The following MTRR variants were observed in gnomAD, a reference collection of about 807,000 sequenced individuals.
The protein encoded by MTRR is 5-methyltetrahydrofolate-homocysteine methyltransferase reductase.
A neutral mutation model predicts 79.2 loss-of-function variants in MTRR; 63 were observed. The ratio of observed to expected loss-of-function variants is 0.80; its 90% CI spans 0.65 to 0.98. The LOEUF (loss-of-function observed/expected upper bound fraction) is 0.98. Ranked by LOEUF, MTRR falls within the 50% of genes least tolerant of loss-of-function variation. The pLI is 0.00. For missense variants in MTRR, 895 were observed against 839.6 expected (o/e 1.07, Z -0.82); for synonymous variants, 355 against 313.3 (o/e 1.13, Z -1.41).
At chr5:7,879,418 G>A (rs180684098) in intron 5 of MTRR, among the ~76,000 whole-genome samples, 5 of 137,732 alleles carry the variant, frequency 3.6e-5, no homozygotes, top group Admixed American at 1.6e-4. Flanking sequence ...AGCCAAGATT[G>A]CGCCACTGCA....
At chr5:7,890,765 G>A (rs558333868) in intron 9 of MTRR, among the ~76,000 whole-genome samples, 7 of 152,078 alleles carry the variant, frequency 4.6e-5, no homozygotes, top group Non-Finnish European at 7.4e-5. Context: ...TTTATTAGTG[G>A]ATAGTTCAAT....
At chr5:7,866,429 CA>C (rs1486804027), upstream of MTRR, among the ~76,000 whole-genome samples, 1 of 152,098 alleles carries the variant, frequency 6.6e-6, no homozygotes, top group East Asian at 1.9e-4. Flanking sequence ...TCAGATAAGG[CA>C]AAAGTCAGTT....
intron 1 of MTRR, chr5:7,859,275 C>T (rs1746364843): frequency 2.5e-6 from 1 of 406,870 alleles, no homozygotes; most frequent in Non-Finnish European, 4.4e-6. Flanking sequence ...AATTTTACCA[C>T]AATAAATGTA....
upstream of MTRR, chr5:7,867,822 C>A: frequency 1.2e-6 from 2 of 1,614,146 alleles, no homozygotes; most frequent in South Asian, 1.1e-5. Flanking sequence ...TCAAGCCTGT[C>A]GCAGTCAGAT....
intron 2 of MTRR, 82 bp downstream of exon 2, chr5:7,871,005 C>T (rs1203865791): frequency 3.4e-6 from 5 of 1,450,350 alleles, no homozygotes; most frequent in East Asian, 4.5e-5. Context: ...AACAAAAGGA[C>T]ACTAATACCA....
At chr5:7,892,986 C>G in intron 11 of MTRR, 73 bp downstream of exon 11, 1 of 1,481,250 alleles carries the variant, frequency 6.8e-7, no homozygotes, top group Non-Finnish European at 9.3e-7. Flanking sequence ...ACAGTGTTGT[C>G]TCACCCACAT....
intron 8 of MTRR, among the ~76,000 whole-genome samples, chr5:7,888,326 G>A (rs1287223301): frequency 1.3e-5 from 2 of 152,128 alleles, no homozygotes; most frequent in Non-Finnish European, 2.9e-5. Context: ...TAGTTCTAAA[G>A]TGAAAAAAGT....
intron 6 of MTRR, chr5:7,885,095 A>G (rs1736193330): frequency 6.4e-6 from 1 of 155,232 alleles, no homozygotes; most frequent in South Asian, 2.0e-4. Context: ...CATCTGTATC[A>G]CTCTGGGGCT....
chr5:7,886,236 A>G (rs1234043811), intron 7 of MTRR, among the ~76,000 whole-genome samples: 1 of 152,076 alleles, frequency 6.6e-6, no homozygotes, highest in East Asian at 1.9e-4. Flanking sequence ...TCCATAATTA[A>G]GAGAAGTTAT....
In MTRR at chr5:7,900,192, T is replaced by C; in HGVS notation, c.*134T>C. The C allele has an allele frequency of 1.0e-6, 1 of 980,518 alleles. No individual in the cohort carries two copies. 60.7% of individuals were successfully genotyped at this position (980,518 alleles called of 1,614,324 possible). ...TTTCTTGAAGGACATGGAGTGGAGATTGGATCATTTAACAATATAACAAAA... is the reference window on the plus strand; with the variant it reads ...TTTCTTGAAGGACATGGAGTGGAGACTGGATCATTTAACAATATAACAAAA... On this transcript the variant is annotated 3_prime_UTR_variant, in exon 15 of 15. Coordinates refer to ENST00000440940, the MANE Select transcript of MTRR (RefSeq NM_002454.3).
intron 1 of MTRR, chr5:7,861,032 T>C (rs1225411231): frequency 9.5e-6 from 6 of 628,824 alleles, no homozygotes; most frequent in African/African-American, 3.7e-5. Context: ...AATTGCTGCC[T>C]GATCAAATTC....
chr5:7,873,337 G>A, intron 2 of MTRR, 36 bp from the exon 3 acceptor site: 1 of 1,612,906 alleles, frequency 6.2e-7, no homozygotes, highest in South Asian at 1.1e-5. Flanking sequence ...AATGCATGTA[G>A]TGTTAGGTCC....
At chr5:7,892,671 C>G in intron 10 of MTRR, 56 bp from the exon 11 acceptor site, 1 of 1,525,078 alleles carries the variant, frequency 6.6e-7, no homozygotes, top group Non-Finnish European at 9.1e-7. Flanking sequence ...TTGGTTTGAC[C>G]CATATGTGTA....
upstream of MTRR, chr5:7,866,863 C>T (rs143045532): frequency 4.3e-5 from 69 of 1,614,084 alleles, no homozygotes; most frequent in African/African-American, 6.8e-4. Flanking sequence ...AGGCAGAAAT[C>T]TGACGAGGTG....
intron 4 of MTRR, among the ~76,000 whole-genome samples, chr5:7,876,433 T>A (rs1335945616): frequency 6.6e-6 from 1 of 152,236 alleles, no homozygotes; most frequent in Non-Finnish European, 1.5e-5. Context: ...GGCCCATCAC[T>A]CATCCATATT....
intron 1 of MTRR, 22 bp downstream of exon 1, chr5:7,869,237 G>A (rs1417931697): frequency 3.7e-6 from 6 of 1,602,730 alleles, no homozygotes; most frequent in Non-Finnish European, 5.1e-6. Flanking sequence ...GTCGGCTACG[G>A]TTCCCGGATT....
chr5:7,859,312 G>A (rs1176034370), intron 1 of MTRR: 4 of 515,798 alleles, frequency 7.8e-6, no homozygotes, highest in South Asian at 3.8e-5. Flanking sequence ...AACTACAGAT[G>A]CTTTCAGATC....
chr5:7,886,468 T>G, intron 7 of MTRR, 147 bp from the exon 8 acceptor site: 1 of 668,700 alleles, frequency 1.5e-6, no homozygotes, highest in Non-Finnish European at 2.7e-6. Flanking sequence ...TTGGGGAATT[T>G]TTTTGGCTGA....
upstream of MTRR, chr5:7,866,846 T>C: frequency 1.9e-6 from 3 of 1,614,050 alleles, no homozygotes; most frequent in Non-Finnish European, 1.7e-6. Context: ...CCCAAATGGT[T>C]CCATTAAGGC....
Sources: allele counts gnomAD v4.1 joint callset (sites outside exome capture counted in the v4.1 genomes callset), GRCh38; gene constraint gnomAD v4.1.1; transcripts MANE v1.5; gene names NCBI Gene and HGNC (gene_info 2026-07-23, HGNC 2026-07-21).